The following TDRD3 variants were observed in gnomAD, a reference collection of about 807,000 sequenced individuals.
The protein encoded by TDRD3 is tudor domain-containing protein 3.
A neutral mutation model predicts 86.7 loss-of-function variants in TDRD3; 45 were observed. The ratio of observed to expected loss-of-function variants is 0.52; its 90% CI spans 0.41 to 0.67. The LOEUF is 0.67. TDRD3 is among the 30% of genes least tolerant of loss of function. TDRD3 has a pLI of 0.00. For missense variants in TDRD3, 814 were observed against 889.0 expected (o/e 0.92, Z 1.07); for synonymous variants, 298 against 301.7 (o/e 0.99, Z 0.13).
intron 10 of TDRD3, among the ~76,000 whole-genome samples, chr13:60,517,806 A>T (rs1334946663): frequency 6.6e-6 from 1 of 152,244 alleles, no homozygotes; most frequent in Admixed American, 6.5e-5. Flanking sequence ...AGAGCCACTT[A>T]GTATCTAGTC....
chr13:60,424,173 C>T (rs995310086), intron 1 of TDRD3, among the ~76,000 whole-genome samples: 30 of 151,870 alleles, frequency 2.0e-4, no homozygotes, highest in African/African-American at 7.0e-4. Context: ...AGGCGCCCGC[C>T]ACCATGCCCG....
intron 10 of TDRD3, among the ~76,000 whole-genome samples, chr13:60,512,255 C>T (rs1463841897): frequency 1.3e-5 from 2 of 152,160 alleles, no homozygotes; most frequent in East Asian, 3.9e-4. Context: ...TTCACTGTCA[C>T]GAGAACAGCA....
intron 8 of TDRD3, among the ~76,000 whole-genome samples, chr13:60,497,220 A>T (rs1956738213): frequency 6.6e-6 from 1 of 152,164 alleles, no homozygotes; most frequent in Admixed American, 6.5e-5. Context: ...GTCTTAACAA[A>T]CATGGACCAG....
intron 1 of TDRD3, among the ~76,000 whole-genome samples, chr13:60,407,543 G>A (rs180939456): frequency 1.9e-4 from 29 of 152,278 alleles, no homozygotes; most frequent in African/African-American, 6.7e-4. Flanking sequence ...GAATTCAACT[G>A]TTAAGAGATA....
chr13:60,441,928 A>G (rs1412098047), intron 2 of TDRD3, among the ~76,000 whole-genome samples: 1 of 152,180 alleles, frequency 6.6e-6, no homozygotes, highest in Non-Finnish European at 1.5e-5. Flanking sequence ...TGTCCACCAT[A>G]AATCATATTG....
intron 6 of TDRD3, 21 bp downstream of exon 6, chr13:60,483,867 A>C (rs754469085): frequency 2.5e-6 from 4 of 1,609,148 alleles, no homozygotes; most frequent in African/African-American, 2.7e-5. Context: ...TTGTGTTGGC[A>C]GATGAATTTA....
chr13:60,404,406 G>T (rs1439825773), intron 1 of TDRD3, among the ~76,000 whole-genome samples: 15 of 149,130 alleles, frequency 1.0e-4, no homozygotes, highest in African/African-American at 3.7e-4. Flanking sequence ...CGCCTCCCGG[G>T]TTCACGCCAT....
intron 3 of TDRD3, among the ~76,000 whole-genome samples, chr13:60,451,375 T>C (rs1955537566): frequency 6.6e-6 from 1 of 152,120 alleles, no homozygotes; most frequent in Non-Finnish European, 1.5e-5. Context: ...TCCAGAGCCA[T>C]TGAGATCTCT....
chr13:60,400,381 CT>C (rs1222514749), intron 1 of TDRD3, among the ~76,000 whole-genome samples: 1 of 152,136 alleles, frequency 6.6e-6, no homozygotes, highest in East Asian at 1.9e-4. Context: ...CCATCTCCTC[CT>C]TTGTTTGTTT....
At chr13:60,436,625 T>A (rs1955115591) in intron 1 of TDRD3, among the ~76,000 whole-genome samples, 1 of 152,192 alleles carries the variant, frequency 6.6e-6, no homozygotes, top group Non-Finnish European at 1.5e-5. Flanking sequence ...TCCATTGGTA[T>A]CATTGCGTAT....
Position 60,397,252 on chromosome 13 carries a change from G to A in TDRD3, c.-113G>A, listed in dbSNP as rs1487778813. On this transcript the variant is annotated 5_prime_UTR_variant, in exon 1 of 14. Coordinates refer to ENST00000377881, the MANE Select transcript of TDRD3 (RefSeq NM_001146070.2). Reference sequence around the variant, plus strand: ...ATGCCCAGTTGCAGAGCCGACCAGAGGAGTTTTTTCTTTTCTTTTCTTTTT... The same window carrying A: ...ATGCCCAGTTGCAGAGCCGACCAGAAGAGTTTTTTCTTTTCTTTTCTTTTT... 3 of 590,520 alleles carry A rather than the reference G, an allele frequency of 5.1e-6. No homozygotes were observed. The highest frequency in any genetic ancestry group is 7.9e-6 in the Non-Finnish European group (3 of 377,460). 36.6% of individuals were successfully genotyped at this position (590,520 alleles called of 1,614,324 possible).
At chr13:60,509,259 A>G (rs1169078420) in intron 8 of TDRD3, among the ~76,000 whole-genome samples, 5 of 152,126 alleles carry the variant, frequency 3.3e-5, no homozygotes, top group African/African-American at 9.7e-5. Flanking sequence ...CTGTCAAAGC[A>G]TCATAGATAG....
intron 8 of TDRD3, among the ~76,000 whole-genome samples, chr13:60,498,858 T>C (rs1423457343): frequency 1.3e-5 from 2 of 152,170 alleles, no homozygotes; most frequent in Admixed American, 6.5e-5. Context: ...AATGTCACTG[T>C]GGTCCTCCAG....
At chr13:60,431,449 A>G (rs2137917667) in intron 1 of TDRD3, among the ~76,000 whole-genome samples, 1 of 152,080 alleles carries the variant, frequency 6.6e-6, no homozygotes, top group African/African-American at 2.4e-5. Context: ...TAAACTTACA[A>G]AGGATTTTCC....
chr13:60,570,718 A>G (rs1327910312), intron 13 of TDRD3, among the ~76,000 whole-genome samples: 2 of 152,244 alleles, frequency 1.3e-5, no homozygotes, highest in African/African-American at 2.4e-5. Flanking sequence ...GAAGGCAGGT[A>G]GGATCTAGCA....
At chr13:60,398,197 T>A (rs778071690) in intron 1 of TDRD3, among the ~76,000 whole-genome samples, 8 of 152,216 alleles carry the variant, frequency 5.3e-5, no homozygotes, top group Non-Finnish European at 1.2e-4. Flanking sequence ...TTTCCCAGGC[T>A]TGCACAGGCA....
chr13:60,571,593 C>T (rs993747681), intron 13 of TDRD3, among the ~76,000 whole-genome samples: 2 of 152,184 alleles, frequency 1.3e-5, no homozygotes, highest in Non-Finnish European at 2.9e-5. Flanking sequence ...GAGTACTTCA[C>T]TAGGTGATGA....
chr13:60,541,938 G>A (rs952468735), intron 12 of TDRD3, among the ~76,000 whole-genome samples: 4 of 151,586 alleles, frequency 2.6e-5, no homozygotes, highest in African/African-American at 7.3e-5. Context: ...TGTTGGTCAG[G>A]CTGGTCTCGA....
intron 5 of TDRD3, among the ~76,000 whole-genome samples, chr13:60,477,134 C>A (rs1714847723): frequency 6.6e-6 from 1 of 151,762 alleles, no homozygotes; most frequent in South Asian, 2.1e-4. Flanking sequence ...TTTCAATTAT[C>A]AAGGAGAATG....
Sources: allele counts gnomAD v4.1 joint callset (sites outside exome capture counted in the v4.1 genomes callset), GRCh38; gene constraint gnomAD v4.1.1; transcripts MANE v1.5; gene names NCBI Gene and HGNC (gene_info 2026-07-23, HGNC 2026-07-21).